Variants in ADCY2 observed in about 807,000 individuals in gnomAD.
ADCY2 encodes the protein adenylate cyclase type 2.
Under a neutral mutation model 125.2 loss-of-function variants are expected in ADCY2, and 31 were observed. The observed-to-expected ratio is 0.25, with a 90% CI of 0.19 to 0.33. The LOEUF is 0.33. Ranked by LOEUF, ADCY2 falls within the 10% of genes least tolerant of loss-of-function variation. The pLI is 1.00. For missense variants in ADCY2, 904 were observed against 1,418.2 expected, an observed-to-expected ratio of 0.64 and a Z score of 5.82; for synonymous variants, 512 against 548.4, an observed-to-expected ratio of 0.93 and a Z score of 0.93.
chr5:7,716,077 A>T (rs1007881031), intron 11 of ADCY2, among the ~76,000 whole-genome samples: 6 of 152,192 alleles, frequency 3.9e-5, no homozygotes, highest in African/African-American at 1.4e-4. Flanking sequence ...CATCATTCTC[A>T]TGCAAATTGT....
intron 4 of ADCY2, among the ~76,000 whole-genome samples, chr5:7,657,625 G>T (rs546622308): frequency 6.6e-6 from 1 of 152,152 alleles, no homozygotes; most frequent in African/African-American, 2.4e-5. Context: ...CATAAACAAA[G>T]TACTTAATAG....
chr5:7,478,890 T>C (rs1742614957), intron 2 of ADCY2, among the ~76,000 whole-genome samples: 1 of 152,228 alleles, frequency 6.6e-6, no homozygotes, highest in Non-Finnish European at 1.5e-5. Flanking sequence ...TGAATGTGCA[T>C]GCTTTTAAGT....
chr5:7,472,008 G>A lies in ADCY2; in HGVS notation c.409-48730G>A, dbSNP rs186846096. On this transcript the variant is annotated intron_variant, in intron 2 of 24. Coordinates refer to ENST00000338316, the MANE Select transcript of ADCY2 (RefSeq NM_020546.3). ...TGAATTTCAGTGGCTTGAAATTGAT[G>A]TGTTTGGATTTTATTTCATTTTATT... Among the ~76,000 whole-genome samples, 74 of 152,088 alleles carry A rather than the reference G, an allele frequency of 4.9e-4. 2 individuals carry two copies. The Middle Eastern group carries it at 0.014, about 28-fold the overall frequency.
intron 15 of ADCY2, among the ~76,000 whole-genome samples, chr5:7,753,364 C>T (rs1433749011): frequency 6.6e-6 from 1 of 152,128 alleles, no homozygotes; most frequent in Non-Finnish European, 1.5e-5. Context: ...GTGAGATGAT[C>T]AAGGAAGGGA....
At chr5:7,729,804 T>G (rs1742042524) in intron 14 of ADCY2, among the ~76,000 whole-genome samples, 1 of 148,504 alleles carries the variant, frequency 6.7e-6, no homozygotes, top group South Asian at 2.1e-4. Flanking sequence ...CATTAAAATT[T>G]CAATATATAT....
chr5:7,828,010 G>A lies in ADCY2; in HGVS notation c.*1139G>A, dbSNP rs1245644704. The A allele has an allele frequency of 6.5e-6, 1 of 152,792 alleles. No individual in the cohort carries two copies. Among genetic ancestry groups the A allele is most frequent in the Non-Finnish European group, 1.5e-5 (1 of 68,034 alleles). The allele number at this position is 152,792 out of a possible 1,614,324, so 9.5% of individuals were successfully genotyped here. A position where few individuals can be genotyped will look rare whatever the true frequency, so the allele number is the denominator to read the frequency against. On this transcript the variant is annotated 3_prime_UTR_variant, in exon 25 of 25. Transcript: ENST00000338316. ...ACAAACTGCCTGTTAAGTCTGAGAA[G>A]GCTAAAGAAGACACACAGCCAACGT...
chr5:7,791,606 T>C (rs1438195256), intron 20 of ADCY2, among the ~76,000 whole-genome samples: 1 of 152,110 alleles, frequency 6.6e-6, no homozygotes, highest in African/African-American at 2.4e-5. Flanking sequence ...ATTTGGTGGG[T>C]TCTTCAGCAC....
chr5:7,766,854 C>T (rs1743398474), intron 17 of ADCY2, 48 bp downstream of exon 17: 7 of 1,591,086 alleles, frequency 4.4e-6, no homozygotes, highest in African/African-American at 1.4e-5. Context: ...CCTGTATGCT[C>T]GTAGTCTGTA....
chr5:7,760,492 G>C (rs1206337304), intron 16 of ADCY2, among the ~76,000 whole-genome samples: 1 of 152,226 alleles, frequency 6.6e-6, no homozygotes, highest in Non-Finnish European at 1.5e-5. Context: ...CCCGTCAGGA[G>C]TGTGTTCACC....
intron 4 of ADCY2, among the ~76,000 whole-genome samples, chr5:7,679,629 G>A (rs914038964): frequency 1.3e-5 from 2 of 152,214 alleles, no homozygotes. Context: ...ACTGGATGTG[G>A]ACTGGTAAGA....
At chr5:7,696,518 G>A (rs1455534474) in intron 6 of ADCY2, among the ~76,000 whole-genome samples, 2 of 152,118 alleles carry the variant, frequency 1.3e-5, no homozygotes, top group East Asian at 1.9e-4. Flanking sequence ...TGGCAATATC[G>A]ATGACAAAAA....
chr5:7,491,308 A>G (rs1039946704), intron 2 of ADCY2, among the ~76,000 whole-genome samples: 4 of 152,024 alleles, frequency 2.6e-5, no homozygotes, highest in East Asian at 1.9e-4. Flanking sequence ...CTGGAGTGCA[A>G]TGGCACCATC....
Position 7,773,076 on chromosome 5 carries a change from G to A in ADCY2, c.2359G>A (p.Asp787Asn), listed in dbSNP as rs148653725. The change falls in exon 18 of 25, where the codon GAC (aspartate) becomes AAC (asparagine). Residue 787 changes from aspartate to asparagine, a missense_variant. Around this residue, in one of 7 missense-constraint regions of ADCY2, gnomAD observed 221 missense variants for 246.2 expected, o/e 0.90. Transcript: ENST00000338316. ...CCACACCCACGCCCACGTCCTGGGCGACTACAGCCAGGTCTTATTTGAGAG... is the reference window on the plus strand; with the variant it reads ...CCACACCCACGCCCACGTCCTGGGCAACTACAGCCAGGTCTTATTTGAGAG... ...LLHTHAHVLG[D>N]YSQVLFERPG... 39 of 1,613,954 alleles carry A rather than the reference G, an allele frequency of 2.4e-5. No homozygotes were observed. The African/African-American group carries it at 3.3e-4, about 14-fold the overall frequency.
chr5:7,464,942 A>G (rs182216815), intron 2 of ADCY2, among the ~76,000 whole-genome samples: 1,714 of 152,290 alleles, frequency 0.011, 37 homozygotes, highest in African/African-American at 0.039. Context: ...CTATGTGGCT[A>G]TGGAGGCCTC....
At chr5:7,693,413 GTTTTTTTTT>G (rs70940751) in intron 5 of ADCY2, among the ~76,000 whole-genome samples, 4 of 32,426 alleles carry the variant, frequency 1.2e-4, no homozygotes, top group African/African-American at 2.7e-4. Flanking sequence ...GCTGTTTTTT[GTTTTTTTTT>G]TTTTTTTTTT....
intron 5 of ADCY2, among the ~76,000 whole-genome samples, chr5:7,694,397 C>T (rs1182912811): frequency 7.9e-5 from 12 of 152,138 alleles, no homozygotes; most frequent in African/African-American, 2.2e-4. Flanking sequence ...ACTTTTTCTT[C>T]ATCCCAAACT....
intron 3 of ADCY2, among the ~76,000 whole-genome samples, chr5:7,586,170 A>G (rs1736617709): frequency 6.6e-6 from 1 of 152,192 alleles, no homozygotes; most frequent in Admixed American, 6.5e-5. Context: ...GATTATCACT[A>G]TATTTAGAAA....
At chr5:7,820,397 G>T (rs1297247910) in intron 23 of ADCY2, among the ~76,000 whole-genome samples, 168 bp from the exon 24 acceptor site, 1 of 152,168 alleles carries the variant, frequency 6.6e-6, no homozygotes, top group African/African-American at 2.4e-5. Flanking sequence ...GGGAGGCTGA[G>T]GTGGCAGGAT....
At chr5:7,589,511 A>AAAGAAAGAAAGAAAGAAAGAAAGAAAG (rs757777978) in intron 3 of ADCY2, among the ~76,000 whole-genome samples, 4 of 110,362 alleles carry the variant, frequency 3.6e-5, no homozygotes, top group African/African-American at 1.3e-4. Flanking sequence ...AGAAAGAAAG[A>AAAGAAAGAAAGAAAGAAAGAAAGAAAG]AAAGAAAAGA....
Sources: gnomAD v4.1 joint callset for allele counts (sites outside exome capture counted in the v4.1 genomes callset) on GRCh38, gnomAD v4.1.1 for gene constraint, gnomAD v4.1.1 regional missense constraint, MANE v1.5 for transcripts, NCBI Gene and HGNC (gene_info 2026-07-23, HGNC 2026-07-21) for gene names.